Variants in RGS12 observed in about 807,000 individuals in gnomAD.
RGS12 encodes the protein regulator of G protein signaling 12, also known as regulator of G-protein signaling 12.
RGS12 carries 66 observed loss-of-function variants against 120.1 expected under a neutral mutation model. That is an observed-to-expected ratio of 0.55 (90% CI 0.45 to 0.67). The LOEUF (loss-of-function observed/expected upper bound fraction) is 0.67, where lower values mean the gene tolerates loss of function less well. Ranked by LOEUF, RGS12 falls within the 30% of genes least tolerant of loss-of-function variation. The probability of loss-of-function intolerance (pLI) is 0.00; values close to 1 mark genes in which losing one functional copy is unlikely to be tolerated. For missense variants in RGS12, 1,859 were observed against 1,957.7 expected, an observed-to-expected ratio of 0.95 and a Z score of 0.95; for synonymous variants, 827 against 804.7, an observed-to-expected ratio of 1.03 and a Z score of -0.47.
intron 4 of RGS12, among the ~76,000 whole-genome samples, chr4:3,410,425 A>C (rs1721608453): frequency 6.6e-6 from 1 of 152,212 alleles, no homozygotes. Flanking sequence ...ACAGAACAGG[A>C]TCGGCCCCCG....
Position 3,295,212 on chromosome 4 carries a change from G to A in RGS12, c.-102+2113G>A, listed in dbSNP as rs189178384. Among the ~76,000 whole-genome samples, 17 of 152,288 alleles carry A rather than the reference G, an allele frequency of 1.1e-4. No individual in the cohort carries two copies. The East Asian group carries it at 2.9e-3, about 26-fold the overall frequency. On this transcript the variant is annotated intron_variant, in intron 1 of 17. Coordinates refer to ENST00000336727, the MANE Select transcript of RGS12 (RefSeq NM_001394154.1). ...GCCTGGCTGCTGCTGTGGGAAGGTC[G>A]GGGGTAGAGGAGATGGAGGACAGGC...
At position 3,432,502 on chromosome 4, in the gene RGS12, G is replaced by C. The variant is rs573482703; in HGVS notation, c.4114+1547G>C. Among the ~76,000 whole-genome samples, 51 of 152,362 alleles carry C rather than the reference G, an allele frequency of 3.3e-4. No individual in the cohort carries two copies. In the South Asian group the frequency reaches 0.01, roughly 31 times the overall value. ...GCCCTGGGGCTGTGGCTGGCTCTGC[G>C]CACAGGTGTGGCGTGTGTCAGGCTG... On this transcript the variant is annotated intron_variant, in intron 17 of 17. Coordinates refer to ENST00000336727, the MANE Select transcript of RGS12 (RefSeq NM_001394154.1).
At chr4:3,405,977 G>A (rs1394947790) in intron 4 of RGS12, among the ~76,000 whole-genome samples, 1 of 152,104 alleles carries the variant, frequency 6.6e-6, no homozygotes, top group Non-Finnish European at 1.5e-5. Context: ...GTGAACAAAG[G>A]TTTCCTGTGG....
intron 2 of RGS12, among the ~76,000 whole-genome samples, chr4:3,336,154 C>A (rs1480136245): frequency 6.6e-6 from 1 of 152,150 alleles, no homozygotes; most frequent in Non-Finnish European, 1.5e-5. Context: ...CATGTCCTGT[C>A]CCTCGGTGGT....
At chr4:3,337,408 T>A (rs1202063543) in intron 2 of RGS12, among the ~76,000 whole-genome samples, 1 of 152,200 alleles carries the variant, frequency 6.6e-6, no homozygotes, top group Admixed American at 6.5e-5. Context: ...GAGGAGATGC[T>A]CTTTATACAC....
At position 3,355,200 on chromosome 4, in the gene RGS12, C is replaced by T. The variant is rs897316725; in HGVS notation, c.1998+12147C>T. ...ATACATAAAAAAAGTATTATCTCAA[C>T]AGAAGCAGGAAAGGCATTTGGTGAA... On this transcript the variant is annotated intron_variant, in intron 3 of 17. Coordinates refer to ENST00000336727, the MANE Select transcript of RGS12 (RefSeq NM_001394154.1). Among the ~76,000 whole-genome samples, 4 of 152,242 alleles carry T rather than the reference C, an allele frequency of 2.6e-5. No individual in the cohort carries two copies. In the South Asian group the frequency reaches 8.3e-4, roughly 32 times the overall value.
chr4:3,405,068 C>T (rs1720963932), intron 4 of RGS12, among the ~76,000 whole-genome samples: 1 of 152,338 alleles, frequency 6.6e-6, no homozygotes, highest in South Asian at 2.1e-4. Flanking sequence ...CAAGTCCACA[C>T]TAACACAGAT....
intron 4 of RGS12, among the ~76,000 whole-genome samples, chr4:3,394,523 G>T (rs1192003873): frequency 6.6e-6 from 1 of 152,214 alleles, no homozygotes; most frequent in African/African-American, 2.4e-5. Flanking sequence ...TATCTAATGA[G>T]AATACTCTAT....
Position 3,372,481 on chromosome 4 carries a change from G to C in RGS12, c.1999-13935G>C, listed in dbSNP as rs1322819243. ...CAGTTGTCGCGGAGCCGCCCGAGCT[G>C]TTGGCTTCCCCGATGTTCCCCCTGT... On this transcript the variant is annotated intron_variant, in intron 3 of 17. Transcript: ENST00000336727. The surrounding 1 kb of genome is among the most constrained non-coding windows in gnomAD (Gnocchi z 4.3). Among the ~76,000 whole-genome samples the C allele has an allele frequency of 6.6e-6, 1 of 152,256 alleles. No homozygotes were observed. The highest frequency in any genetic ancestry group is 2.4e-5 in the African/African-American group (1 of 41,468).
chr4:3,379,634 C>A (rs1409737692), intron 3 of RGS12, among the ~76,000 whole-genome samples: 1 of 152,096 alleles, frequency 6.6e-6, no homozygotes, highest in African/African-American at 2.4e-5. Flanking sequence ...AGGGAACTTA[C>A]AATCATGATA....
intron 3 of RGS12, among the ~76,000 whole-genome samples, chr4:3,373,133 A>T (rs1019710809): frequency 1.3e-5 from 2 of 152,186 alleles, no homozygotes; most frequent in African/African-American, 4.8e-5. Context: ...TGAAAGGATA[A>T]TGAGGAAGAC....
rs980086236 is a variant in RGS12 at position 3,365,559 on chromosome 4, G to C, written c.1999-20857G>C. 6.6e-6 allele frequency among the ~76,000 whole-genome samples: 1 copy of C among 152,206 alleles called. No homozygotes were observed. Among genetic ancestry groups the C allele is most frequent in the African/African-American group, 2.4e-5 (1 of 41,452 alleles). On this transcript the variant is annotated intron_variant, in intron 3 of 17. Coordinates refer to ENST00000336727, the MANE Select transcript of RGS12 (RefSeq NM_001394154.1). The surrounding 1 kb of genome is among the most constrained non-coding windows in gnomAD (Gnocchi z 4.0). ...CTGAGTCCGACCTAAGCCTTAGTGT[G>C]AGTCGGACACGGCCTTCTTGGCTGT...
At chr4:3,349,271 T>G (rs1714128681) in intron 3 of RGS12, among the ~76,000 whole-genome samples, 1 of 152,230 alleles carries the variant, frequency 6.6e-6, no homozygotes, top group African/African-American at 2.4e-5. Context: ...AATATAGGCC[T>G]TCGATGACAT....
chr4:3,413,870 T>G (rs1012979947), intron 4 of RGS12: 2 of 553,060 alleles, frequency 3.6e-6, no homozygotes, highest in Non-Finnish European at 6.4e-6. Context: ...AAGGTTGGGG[T>G]CTGTGTTTTG....
In RGS12 at chr4:3,366,196, C is replaced by G. The variant is rs1716282260; in HGVS notation, c.1999-20220C>G. Among the ~76,000 whole-genome samples the G allele has an allele frequency of 6.6e-6, 1 of 151,940 alleles. No homozygotes were observed. Among genetic ancestry groups the G allele is most frequent in the East Asian group, 1.9e-4 (1 of 5,172 alleles). ...AGACTGTTAGGGGTTAGGGGTTAGG[C>G]ACAGGGCTGGGGCGGGTGCTGGGCA... On this transcript the variant is annotated intron_variant, in intron 3 of 17. Transcript: ENST00000336727. The surrounding 1 kb of genome is among the most constrained non-coding windows in gnomAD (Gnocchi z 4.0).
chr4:3,352,399 G>C (rs996372406), intron 3 of RGS12, among the ~76,000 whole-genome samples: 12 of 152,164 alleles, frequency 7.9e-5, no homozygotes, highest in African/African-American at 2.7e-4. Context: ...TCTAAGAATT[G>C]ATGATTCTTT....
chr4:3,401,603 G>A (rs1017361322), intron 4 of RGS12, among the ~76,000 whole-genome samples: 1 of 152,244 alleles, frequency 6.6e-6, no homozygotes, highest in Non-Finnish European at 1.5e-5. Flanking sequence ...TTACAGCGGG[G>A]GGAGTGTCTT....
At chr4:3,305,850 AAC>A (rs1409388171) in intron 1 of RGS12, among the ~76,000 whole-genome samples, 3 of 152,234 alleles carry the variant, frequency 2.0e-5, no homozygotes, top group African/African-American at 7.2e-5. Flanking sequence ...CTTTGTTTGA[AAC>A]ACAGCAGCTG....
At chr4:3,349,554 TC>T (rs1300265115) in intron 3 of RGS12, among the ~76,000 whole-genome samples, 2 of 152,160 alleles carry the variant, frequency 1.3e-5, no homozygotes, top group East Asian at 1.9e-4. Flanking sequence ...ACTCTTTTTT[TC>T]AATAAAGAAC....
Sources: gnomAD v4.1 joint callset for allele counts (sites outside exome capture counted in the v4.1 genomes callset) on GRCh38, gnomAD v4.1.1 for gene constraint, Gnocchi (gnomAD v3.1) non-coding constraint, MANE v1.5 for transcripts, NCBI Gene and HGNC (gene_info 2026-07-23, HGNC 2026-07-21) for gene names.